TAF1: variants seen among roughly 807,000 people sequenced by gnomAD.
TAF1 encodes the protein transcription initiation factor TFIID subunit 1.
A neutral mutation model predicts 138.5 loss-of-function variants in TAF1; 2 were observed. The observed-to-expected ratio is 0.01, with a 90% confidence interval of 0.01 to 0.05. The LOEUF (loss-of-function observed/expected upper bound fraction) is 0.05, where lower values mean the gene tolerates loss of function less well. TAF1 is among the 10% of genes least tolerant of loss of function. TAF1 has a pLI of 1.00. For missense variants in TAF1, 709 were observed against 1,478.0 expected (o/e 0.48, Z 8.53); for synonymous variants, 437 against 503.2 (o/e 0.87, Z 1.76).
intron 13 of TAF1, among the ~76,000 whole-genome samples, chrX:71,513,799 TG>T (rs2039774952): frequency 9.0e-6 from 1 of 110,812 alleles, no homozygotes; most frequent in Non-Finnish European, 1.9e-5. Flanking sequence ...CTGGGTTGAG[TG>T]GGGACTTGGA....
chrX:71,397,200 A>T, intron 22 of TAF1, 53 bp from the exon 23 acceptor site: 1 of 1,135,566 alleles, frequency 8.8e-7, no homozygotes, highest in Non-Finnish European at 1.2e-6. Context: ...CAAGAAAATG[A>T]TCATTTGGGA....
chrX:71,517,288 G>A (rs1430237494), intron 13 of TAF1, among the ~76,000 whole-genome samples: 2 of 111,298 alleles, frequency 1.8e-5, no homozygotes, highest in African/African-American at 6.5e-5. Context: ...ACAATAGGGC[G>A]ACTATAGTCA....
chrX:71,458,336 C>T lies in TAF1; in HGVS notation c.5034C>T (p.Pro1678=). 2 of 1,211,338 alleles carry T rather than the reference C, an allele frequency of 1.7e-6. No homozygotes were observed. Among genetic ancestry groups the T allele is most frequent in the Non-Finnish European group, 2.2e-6 (2 of 895,285 alleles). ...GCAATATGTCTGTCTTGGATATTCCCAGTGCCACTCCAGAAAAGCAGGTAA... is the reference window on the plus strand; with the variant it reads ...GCAATATGTCTGTCTTGGATATTCCTAGTGCCACTCCAGAAAAGCAGGTAA... ...DESNMSVLDI[P]SATPEKQVTQ... is the part of the protein sequence containing the mutation. Residue 1678 remains proline, a synonymous_variant, in exon 35 of 38, where the codon CCC becomes CCT. Coordinates refer to ENST00000423759, the MANE Select transcript of TAF1 (RefSeq NM_004606.5).
intron 28 of TAF1, 84 bp from the exon 29 acceptor site, chrX:71,421,221 TTAAG>T: frequency 2.4e-6 from 2 of 844,968 alleles, no homozygotes; most frequent in Non-Finnish European, 3.5e-6. Context: ...TTTTAGGTTC[TTAAG>T]TAAGTGCATT....
intron 32 of TAF1, chrX:71,441,684 T>A (rs2037432911): frequency 3.3e-6 from 1 of 300,555 alleles, no homozygotes; most frequent in Non-Finnish European, 6.3e-6. Context: ...TAATTTTGTA[T>A]CTTTTTTTTT....
rs181093406 is a variant in TAF1, at chrX:71,394,359, T to C, written c.3406+114T>C. On this transcript the variant is annotated intron_variant, in intron 22 of 37. Transcript: ENST00000423759. Reference sequence around the variant, plus strand: ...GGAGGCAGAAGATGTAAGGGATGCATGTAGAAAAGTCTGTGAATGAAGTAG... The same window carrying C: ...GGAGGCAGAAGATGTAAGGGATGCACGTAGAAAAGTCTGTGAATGAAGTAG... 7.3e-5 allele frequency: 68 copies of C among 936,784 alleles called. No homozygotes were observed. The Admixed American group carries it at 2.4e-3, about 33-fold the overall frequency. 77.2% of individuals were successfully genotyped at this position (936,784 alleles called of 1,213,427 possible).
At chrX:71,366,787 C>T (rs995743921) in intron 1 of TAF1, among the ~76,000 whole-genome samples, 2 of 111,379 alleles carry the variant, frequency 1.8e-5, no homozygotes, top group Non-Finnish European at 3.8e-5. Context: ...GTTTCGCCTA[C>T]TGAGATGGCT....
chrX:71,484,167 G>C (rs1408401872), intron 13 of TAF1, among the ~76,000 whole-genome samples: 1 of 111,303 alleles, frequency 9.0e-6, no homozygotes, highest in Non-Finnish European at 1.9e-5. Flanking sequence ...AGCACATCCA[G>C]CCCTCATTCT....
chrX:71,384,397 G>A (rs1271031980), intron 13 of TAF1, among the ~76,000 whole-genome samples: 1 of 109,097 alleles, frequency 9.2e-6, no homozygotes, highest in Non-Finnish European at 1.9e-5. Flanking sequence ...CTCAAAATTC[G>A]AAATCAAAAT....
At chrX:71,418,354 C>T (rs181100580) in intron 28 of TAF1, among the ~76,000 whole-genome samples, 4 of 112,794 alleles carry the variant, frequency 3.5e-5, no homozygotes, top group Non-Finnish European at 7.5e-5. Flanking sequence ...GCCTCAGTCT[C>T]ACAAAGTGTT....
chrX:71,409,117 A>G (rs900975543), intron 28 of TAF1, among the ~76,000 whole-genome samples: 5 of 111,144 alleles, frequency 4.5e-5, no homozygotes, highest in East Asian at 5.6e-4. Context: ...GATTTGGTCT[A>G]CAAATTTGTT....
At chrX:71,515,438 C>A (rs769392355) in intron 13 of TAF1, among the ~76,000 whole-genome samples, 4 of 111,652 alleles carry the variant, frequency 3.6e-5, no homozygotes, top group Non-Finnish European at 7.5e-5. Context: ...TTATCCAAAG[C>A]TTTTTGGTCT....
At chrX:71,450,169 A>G (rs2037889723) in intron 32 of TAF1, among the ~76,000 whole-genome samples, 1 of 110,520 alleles carries the variant, frequency 9.0e-6, no homozygotes, top group Non-Finnish European at 1.9e-5. Flanking sequence ...TAAAGAATAA[A>G]TGACCTATAC....
intron 8 of TAF1, among the ~76,000 whole-genome samples, chrX:71,381,316 G>A: frequency 8.9e-6 from 1 of 112,311 alleles, no homozygotes; most frequent in Middle Eastern, 4.6e-3. Flanking sequence ...CCAGGTTGGA[G>A]TGCAATGGCA....
At chrX:71,440,338 C>T (rs771619374) in intron 32 of TAF1, among the ~76,000 whole-genome samples, 79 of 111,648 alleles carry the variant, frequency 7.1e-4, no homozygotes, top group Non-Finnish European at 1.3e-3. Flanking sequence ...AACATTTACT[C>T]ATTGAAGGAC....
intron 28 of TAF1, 39 bp from the exon 29 acceptor site, chrX:71,421,270 C>A: frequency 8.6e-7 from 1 of 1,156,804 alleles, no homozygotes; most frequent in Non-Finnish European, 1.2e-6. Flanking sequence ...CTTTTGCCTC[C>A]CGTTATTAGT....
Position 71,382,998 on chromosome X carries a change from T to C in TAF1, c.1781T>C (p.Ile594Thr). ...TTCTATTTCCTGTTTTAGCATTCAA[T>C]TCCTGCTGTGGAATTACGGCAGCCC... is the stretch of plus-strand genomic sequence containing the variant. ...TFGGNIIQHS[I>T]PAVELRQPFF... Residue 594 changes from isoleucine to threonine, a missense_variant, in exon 12 of 38, where the codon ATT (isoleucine) becomes ACT (threonine). Physicochemically the swap from Ile to Thr is moderately conservative, Grantham distance 89. This residue lies in a region of TAF1 where 201 missense variants were observed against 421.3 expected (regional missense o/e 0.48). Transcript: ENST00000423759. 1 of 1,207,470 alleles carries C rather than the reference T, an allele frequency of 8.3e-7. No individual in the cohort carries two copies. Among genetic ancestry groups the C allele is most frequent in the Non-Finnish European group, 1.1e-6 (1 of 894,074 alleles).
chrX:71,468,712 C>G (rs73544816), downstream of TAF1, among the ~76,000 whole-genome samples: 7,663 of 105,192 alleles, frequency 0.073, 661 homozygotes, highest in African/African-American at 0.24. Flanking sequence ...ATTGAAACAG[C>G]CTGGGTCTGC....
At position 71,476,291 on chromosome X, in the gene TAF1, C is replaced by CT. The variant is rs757804178; in HGVS notation, c.1366+15489dup. ...TGGAAGAGGAACTGACCAAAAATAA[C>CT]TAAGGAGACAAACAGGGTGAGGGAA... On this transcript the variant is annotated intron_variant and NMD_transcript_variant, in intron 13 of 14. Transcript: ENST00000373775. Among the ~76,000 whole-genome samples, 8 of 110,973 alleles carry CT rather than the reference C, an allele frequency of 7.2e-5. No homozygotes were observed. The East Asian group carries it at 2.3e-3, about 31-fold the overall frequency.
Sources: gnomAD v4.1 joint callset for allele counts (sites outside exome capture counted in the v4.1 genomes callset) on GRCh38, gnomAD v4.1.1 for gene constraint, gnomAD v4.1.1 regional missense constraint, MANE v1.5 for transcripts, NCBI Gene and HGNC (gene_info 2026-07-23, HGNC 2026-07-21) for gene names.